The following IMMP2L variants were observed in gnomAD, a reference collection of about 807,000 sequenced individuals.
IMMP2L encodes mitochondrial inner membrane protease subunit 2.
IMMP2L carries 18 observed loss-of-function variants against 19.3 expected under a neutral mutation model. The ratio of observed to expected loss-of-function variants is 0.93; its 90% CI spans 0.64 to 1.38. IMMP2L has a LOEUF of 1.38. Ranked by LOEUF, IMMP2L falls within the 40% of genes most tolerant of loss-of-function variation. The pLI is 0.00. For synonymous variants in IMMP2L, 76 were observed against 73.0 expected (o/e 1.04, Z -0.21); for missense variants, 233 against 218.2 (o/e 1.07, Z -0.43).
chr7:111,132,204 C>A (rs537055966), intron 3 of IMMP2L, among the ~76,000 whole-genome samples: 30 of 151,962 alleles, frequency 2.0e-4, no homozygotes, highest in African/African-American at 7.0e-4. Flanking sequence ...ATAAATAAAA[C>A]CTTTAAAATA....
intron 2 of IMMP2L, 55 bp from the exon 3 acceptor site, chr7:111,487,396 G>A: frequency 1.9e-6 from 2 of 1,053,734 alleles, no homozygotes; most frequent in Non-Finnish European, 3.0e-6. Context: ...CAATCTTCAT[G>A]GTTCTTGCAC....
intron 3 of IMMP2L, among the ~76,000 whole-genome samples, chr7:111,004,228 A>G (rs537616928): frequency 6.2e-4 from 94 of 152,268 alleles, no homozygotes; most frequent in Middle Eastern, 3.4e-3. Flanking sequence ...TCTCTTTTGG[A>G]GTGCAATGGC....
At chr7:111,168,450 T>C (rs750361444) in intron 3 of IMMP2L, among the ~76,000 whole-genome samples, 7 of 151,802 alleles carry the variant, frequency 4.6e-5, no homozygotes, top group Non-Finnish European at 1.0e-4. Flanking sequence ...AAGTTGAGAG[T>C]AGGTCAGTGC....
At chr7:110,716,404 G>A (rs990628641) in intron 5 of IMMP2L, among the ~76,000 whole-genome samples, 4 of 152,098 alleles carry the variant, frequency 2.6e-5, no homozygotes, top group African/African-American at 9.7e-5. Flanking sequence ...TGAGGGCTAT[G>A]TACGTAAGTG....
At chr7:111,544,446 T>C (rs1848742235) in intron 1 of IMMP2L, among the ~76,000 whole-genome samples, 1 of 152,184 alleles carries the variant, frequency 6.6e-6, no homozygotes, top group South Asian at 2.1e-4. Context: ...AGTTCATATT[T>C]CTTTAATGCA....
At chr7:110,676,681 C>G (rs1176737698) in intron 5 of IMMP2L, among the ~76,000 whole-genome samples, 1 of 152,178 alleles carries the variant, frequency 6.6e-6, no homozygotes, top group Admixed American at 6.5e-5. Context: ...TATTAAGTAA[C>G]AGGAGGGTTT....
At chr7:111,034,136 A>C (rs2129569457) in intron 3 of IMMP2L, among the ~76,000 whole-genome samples, 1 of 152,286 alleles carries the variant, frequency 6.6e-6, no homozygotes, top group Non-Finnish European at 1.5e-5. Context: ...TTATATTTCA[A>C]TAATGATGAT....
chr7:111,277,225 C>T (rs1470305951), intron 3 of IMMP2L, among the ~76,000 whole-genome samples: 2 of 151,828 alleles, frequency 1.3e-5, no homozygotes, highest in East Asian at 1.9e-4. Flanking sequence ...GGGCTAATAT[C>T]CAGAACCTAC....
chr7:110,880,985 C>CTGCCT (rs1381183543), intron 5 of IMMP2L, among the ~76,000 whole-genome samples: 4 of 152,112 alleles, frequency 2.6e-5, no homozygotes, highest in Non-Finnish European at 5.9e-5. Context: ...GAAGCTAAGA[C>CTGCCT]TGCCTCTTCT....
At chr7:111,539,338 T>TTTC (rs1360108808) in intron 1 of IMMP2L, among the ~76,000 whole-genome samples, 3 of 152,258 alleles carry the variant, frequency 2.0e-5, no homozygotes, top group African/African-American at 4.8e-5. Flanking sequence ...TTTCTGTATT[T>TTTC]TTCTTCAATA....
intron 5 of IMMP2L, among the ~76,000 whole-genome samples, chr7:110,722,251 TAGC>T (rs1237108512): frequency 6.6e-6 from 1 of 152,070 alleles, no homozygotes; most frequent in Non-Finnish European, 1.5e-5. Context: ...TTAATAGTAA[TAGC>T]AGTGGGAACA....
Position 110,842,590 on chromosome 7 carries a change from A to G in IMMP2L, c.408+44003T>C, listed in dbSNP as rs185454786. The stretch of plus-strand genomic sequence containing the variant: ...GTTTTTAACCTTTGGGGGAGGCAGA[A>G]GGAGGGGAGATTGTGAGAGGTCAGG... On this transcript the variant is annotated intron_variant, in intron 5 of 5. Transcript: ENST00000405709. Among the ~76,000 whole-genome samples the G allele has an allele frequency of 2.0e-3, 308 of 152,312 alleles. 1 individual carries two copies. The highest frequency in any genetic ancestry group is 6.9e-3 in the African/African-American group (288 of 41,572).
chr7:110,808,574 T>C (rs1801796934), intron 5 of IMMP2L, among the ~76,000 whole-genome samples: 1 of 152,086 alleles, frequency 6.6e-6, no homozygotes, highest in Admixed American at 6.6e-5. Context: ...GGCTTCTCTT[T>C]GAAAAGAAGA....
chr7:110,899,717 G>A (rs537160854), intron 4 of IMMP2L, among the ~76,000 whole-genome samples: 65 of 152,130 alleles, frequency 4.3e-4, no homozygotes, highest in African/African-American at 1.5e-3. Context: ...AGTACATGGC[G>A]GGTGGCAGGG....
chr7:111,026,409 A>G (rs1262353199), intron 3 of IMMP2L, among the ~76,000 whole-genome samples: 1 of 152,090 alleles, frequency 6.6e-6, no homozygotes, highest in East Asian at 1.9e-4. Flanking sequence ...CCCTTATTGT[A>G]GAGGAGAGTG....
intron 5 of IMMP2L, among the ~76,000 whole-genome samples, chr7:110,735,366 C>T (rs1197360434): frequency 1.3e-5 from 2 of 151,998 alleles, no homozygotes; most frequent in African/African-American, 4.8e-5. Context: ...TTTCTTTCAC[C>T]AATTAAACTT....
intron 3 of IMMP2L, among the ~76,000 whole-genome samples, chr7:111,448,993 C>T (rs1446730784): frequency 6.6e-6 from 1 of 150,648 alleles, no homozygotes; most frequent in Non-Finnish European, 1.5e-5. Flanking sequence ...CATACACTCT[C>T]CCAAGACTAA....
At chr7:110,800,115 G>A (rs1336716671) in intron 5 of IMMP2L, among the ~76,000 whole-genome samples, 1 of 152,060 alleles carries the variant, frequency 6.6e-6, no homozygotes, top group Non-Finnish European at 1.5e-5. Context: ...AAGAAGAATT[G>A]ATAGCTTTTT....
At position 111,402,887 on chromosome 7, in the gene IMMP2L, A is replaced by C. The variant is rs138005417; in HGVS notation, c.239+84351T>G. Among the ~76,000 whole-genome samples, 1,056 of 150,928 alleles carry C rather than the reference A, an allele frequency of 7.0e-3. 14 individuals are homozygous for C. Among genetic ancestry groups the C allele is most frequent in the African/African-American group, 0.023 (933 of 40,948 alleles). ...GTCCACGAACACATTATATATATTT[A>C]TGTCTATTTACATCTATTCTTTCTT... On this transcript the variant is annotated intron_variant, in intron 3 of 5. Coordinates refer to ENST00000405709, the MANE Select transcript of IMMP2L (RefSeq NM_032549.4).
Sources: allele counts gnomAD v4.1 joint callset (sites outside exome capture counted in the v4.1 genomes callset), GRCh38; gene constraint gnomAD v4.1.1; transcripts MANE v1.5; gene names NCBI Gene and HGNC (gene_info 2026-07-23, HGNC 2026-07-21).